PZP: variants seen among roughly 807,000 people sequenced by gnomAD.
The protein encoded by PZP is PZP alpha-2-macroglobulin like, also known as pregnancy zone protein.
PZP carries 150 observed loss-of-function variants against 179.8 expected under a neutral mutation model. The ratio of observed to expected loss-of-function variants is 0.83; its 90% CI spans 0.73 to 0.96. The LOEUF (loss-of-function observed/expected upper bound fraction) is 0.96. Among genes scored for constraint, PZP ranks in the 40% least tolerant of loss-of-function variants. The probability of loss-of-function intolerance (pLI) is 0.00; values close to 1 mark genes in which losing one functional copy is unlikely to be tolerated. For synonymous variants in PZP, 624 were observed against 652.3 expected, an observed-to-expected ratio of 0.96 and a Z score of 0.66; for missense variants, 1,689 against 1,764.0, an observed-to-expected ratio of 0.96 and a Z score of 0.76.
At chr12:9,155,989 G>T in intron 28 of PZP, 1 of 168,654 alleles carries the variant, frequency 5.9e-6, no homozygotes, top group South Asian at 1.5e-4. Context: ...CACCAATAAA[G>T]AACTGGTAGT....
In PZP at chr12:9,208,272, T is replaced by C. The variant is rs377732423; in HGVS notation, c.70A>G (p.Asn24Asp). 64 of 1,613,134 alleles carry C rather than the reference T, an allele frequency of 4.0e-5. No homozygotes were observed. The highest frequency in any genetic ancestry group is 5.0e-5 in the Non-Finnish European group (59 of 1,179,284). ...LLILLSASDS[N>D]STEPQYMVLV... is the part of the protein sequence containing the mutation. ...AGTGAGACTTACGGTTCTGTAGAGT[T>C]TGAGTCACTGGCAGAAAGCAGGATA... The change falls in exon 1 of 36, where the codon AAC becomes GAC. Residue 24 changes from asparagine (N) to aspartate (D), a missense_variant. Asn to Asp is a conservative substitution (Grantham distance 23, BLOSUM62 1). This residue lies in a region of PZP where 742 missense variants were observed against 730.5 expected (regional missense o/e 1.02). Transcript: ENST00000261336.
intron 17 of PZP, chr12:9,167,580 T>C (rs1311646785): frequency 6.6e-6 from 1 of 152,224 alleles, no homozygotes; most frequent in Non-Finnish European, 1.5e-5. Context: ...TTGTTCTCTG[T>C]AGTCATGGAA....
At chr12:9,193,203 C>G (rs1394535802) in intron 11 of PZP, among the ~76,000 whole-genome samples, 1 of 152,132 alleles carries the variant, frequency 6.6e-6, no homozygotes, top group Non-Finnish European at 1.5e-5. Context: ...TGACTTCCAA[C>G]CTTTAAGACC....
At chr12:9,189,348 A>G (rs1249976910) in intron 13 of PZP, among the ~76,000 whole-genome samples, 2 of 152,204 alleles carry the variant, frequency 1.3e-5, no homozygotes, top group African/African-American at 4.8e-5. Context: ...AATGCTGCAC[A>G]CCCACAACCA....
the PZP span, among the ~76,000 whole-genome samples, chr12:9,140,091 G>T: frequency 6.6e-6 from 1 of 152,156 alleles, no homozygotes; most frequent in Non-Finnish European, 1.5e-5. Context: ...GAATGTTTCT[G>T]GTCAGAGATG....
At chr12:9,156,363 C>T (rs767497172) in intron 28 of PZP, 3 of 190,004 alleles carry the variant, frequency 1.6e-5, no homozygotes, top group Non-Finnish European at 3.5e-5. Flanking sequence ...CACAGTCCTT[C>T]CTCCATCTCT....
chr12:9,177,642 GTATTATTTA>G (rs776330969), intron 15 of PZP, among the ~76,000 whole-genome samples: 10 of 152,138 alleles, frequency 6.6e-5, no homozygotes, highest in Non-Finnish European at 1.0e-4. Flanking sequence ...AAATGAACAT[GTATTATTTA>G]TATTGGGTGA....
At position 9,192,187 on chromosome 12, in the gene PZP, A is replaced by G; in HGVS notation, c.1546+6T>C. On this transcript the variant is annotated splice_donor_region_variant and intron_variant, in intron 13 of 35. Coordinates refer to ENST00000261336, the MANE Select transcript of PZP (RefSeq NM_002864.3). ...AGCAAGGAGAGATGAATCTGAGGAT[A>G]CTCACTGTCTCCTGACTCCACAGGC... is the stretch of plus-strand genomic sequence containing the variant. 1 of 1,610,416 alleles carries G rather than the reference A, an allele frequency of 6.2e-7. No individual in the cohort carries two copies. The highest frequency in any genetic ancestry group is 8.5e-7 in the Non-Finnish European group (1 of 1,176,616).
chr12:9,174,154 G>T (rs755783749), intron 15 of PZP, among the ~76,000 whole-genome samples: 1 of 152,310 alleles, frequency 6.6e-6, no homozygotes, highest in African/African-American at 2.4e-5. Context: ...TCATCCCTGG[G>T]ATGCAAGCTT....
intron 19 of PZP, 97 bp from the exon 20 acceptor site, chr12:9,164,356 G>T (rs1371904781): frequency 7.4e-7 from 1 of 1,356,002 alleles, no homozygotes; most frequent in Non-Finnish European, 1.0e-6. Context: ...GCAGTAAATT[G>T]GGATTTGTAA....
chr12:9,200,480 T>C (rs367815322), intron 6 of PZP, 32 bp from the exon 7 acceptor site: 4 of 1,473,984 alleles, frequency 2.7e-6, no homozygotes, highest in African/African-American at 2.8e-5. Context: ...ATAAGGAAGG[T>C]TGGTAAACAT....
intron 15 of PZP, among the ~76,000 whole-genome samples, chr12:9,175,527 C>A (rs1273873086): frequency 1.3e-5 from 2 of 152,114 alleles, no homozygotes; most frequent in African/African-American, 4.8e-5. Context: ...GAACAGACAA[C>A]TTTAAGAATG....
At position 9,200,464 on chromosome 12, in the gene PZP, A is replaced by G. The variant is rs372176024; in HGVS notation, c.671-16T>C. ...TTGGGAAGCACTGTTAATAGAGATAATAGGAATAAGGAAGGTTGGTAAACA... is the reference window on the plus strand; with the variant it reads ...TTGGGAAGCACTGTTAATAGAGATAGTAGGAATAAGGAAGGTTGGTAAACA... On this transcript the variant is annotated splice_polypyrimidine_tract_variant and intron_variant, in intron 6 of 35. Transcript: ENST00000261336. The G allele has an allele frequency of 1.5e-5, 24 of 1,564,054 alleles. No homozygotes were observed. In the African/African-American group the frequency reaches 2.4e-4, roughly 16 times the overall value.
intron 34 of PZP, 73 bp from the exon 35 acceptor site, chr12:9,149,675 C>A: frequency 2.0e-6 from 3 of 1,465,794 alleles, no homozygotes; most frequent in African/African-American, 2.8e-5. Flanking sequence ...TCTGTCTAGT[C>A]ACTTTACTAC....
intron 16 of PZP, 147 bp downstream of exon 16, chr12:9,169,283 C>G: frequency 1.2e-6 from 1 of 823,978 alleles, no homozygotes; most frequent in Non-Finnish European, 1.8e-6. Flanking sequence ...TCACAAGAGA[C>G]TTTAACCTTT....
chr12:9,168,978 GA>G lies in PZP; in HGVS notation c.2002-5del. ...TGAACACCTTCAATCCCATCCCCTG[GA>G]AAAAAATAATTGTTCAATCTACTTG... On this transcript the variant is annotated splice_region_variant and splice_polypyrimidine_tract_variant and intron_variant, in intron 16 of 35. Transcript: ENST00000261336. 4 of 1,603,972 alleles carry G rather than the reference GA, an allele frequency of 2.5e-6. No individual in the cohort carries two copies. The highest frequency in any genetic ancestry group is 2.7e-5 in the African/African-American group (2 of 74,618).
chr12:9,202,081 A>G (rs772710326), intron 4 of PZP, among the ~76,000 whole-genome samples: 1 of 152,198 alleles, frequency 6.6e-6, no homozygotes, highest in Non-Finnish European at 1.5e-5. Flanking sequence ...CAGTGTGTTC[A>G]GAGTAACAAA....
In PZP at chr12:9,169,494, A is replaced by G. The variant is rs1941833205; in HGVS notation, c.1937T>C (p.Ile646Thr). Residue 646 changes from isoleucine (I) to threonine (T), a missense_variant, in exon 16 of 36, where the codon ATT (isoleucine) becomes ACT (threonine). Ile to Thr is a moderately conservative substitution (Grantham distance 89). Around this residue, in one of 3 missense-constraint regions of PZP, gnomAD observed 201 missense variants for 284.2 expected, o/e 0.71. Coordinates refer to ENST00000261336, the MANE Select transcript of PZP (RefSeq NM_002864.3). ...GGGAACATAGATGGCTCCATTATGAATGAAGAAAGGACGGGGACAGTGTCC... is the reference window on the plus strand; with the variant it reads ...GGGAACATAGATGGCTCCATTATGAGTGAAGAAAGGACGGGGACAGTGTCC... ...EQGHCPRPFF[I>T]HNGAIYVPLS... 1 of 1,613,010 alleles carries G rather than the reference A, an allele frequency of 6.2e-7. No homozygotes were observed. The highest frequency in any genetic ancestry group is 8.5e-7 in the Non-Finnish European group (1 of 1,179,272).
intron 29 of PZP, 108 bp from the exon 30 acceptor site, chr12:9,153,451 C>T (rs1940519539): frequency 1.3e-6 from 1 of 783,522 alleles, no homozygotes; most frequent in Non-Finnish European, 2.0e-6. Context: ...CTTTTTACCC[C>T]TAAGGTAGAT....
Sources: gnomAD v4.1 joint callset for allele counts (sites outside exome capture counted in the v4.1 genomes callset) on GRCh38, gnomAD v4.1.1 for gene constraint, gnomAD v4.1.1 regional missense constraint, MANE v1.5 for transcripts, NCBI Gene and HGNC (gene_info 2026-07-23, HGNC 2026-07-21) for gene names.